Variants in IGF2BP2 observed in about 807,000 individuals in gnomAD.
The protein encoded by IGF2BP2 is insulin like growth factor 2 mRNA binding protein 2.
IGF2BP2 carries 17 observed loss-of-function variants against 75.8 expected under a neutral mutation model. That is an observed-to-expected ratio of 0.22 (90% confidence interval 0.15 to 0.34). The LOEUF (loss-of-function observed/expected upper bound fraction) is 0.34, where lower values mean the gene tolerates loss of function less well. IGF2BP2 is among the 10% of genes least tolerant of loss of function. The probability of loss-of-function intolerance (pLI) is 1.00; values close to 1 mark genes in which losing one functional copy is unlikely to be tolerated. For missense variants in IGF2BP2, 516 were observed against 772.4 expected, an observed-to-expected ratio of 0.67 and a Z score of 3.93; for synonymous variants, 288 against 295.6, an observed-to-expected ratio of 0.97 and a Z score of 0.26.
chr3:185,777,537 A>C (rs938649925), intron 2 of IGF2BP2, among the ~76,000 whole-genome samples: 4 of 152,022 alleles, frequency 2.6e-5, no homozygotes, highest in African/African-American at 9.7e-5. Context: ...TAAAAGAAAA[A>C]CCCCAAAACA....
intron 9 of IGF2BP2, among the ~76,000 whole-genome samples, chr3:185,673,309 T>C (rs923580265): frequency 6.6e-6 from 1 of 152,220 alleles, no homozygotes; most frequent in African/African-American, 2.4e-5. Flanking sequence ...ATATAGTAAG[T>C]ACTCAATAAA....
intron 2 of IGF2BP2, among the ~76,000 whole-genome samples, chr3:185,792,330 C>G (rs11925294): frequency 1.3e-5 from 2 of 151,884 alleles, no homozygotes; most frequent in African/African-American, 2.4e-5. Context: ...CAGGGCTGGG[C>G]GGGGTGGCTC....
intron 2 of IGF2BP2, among the ~76,000 whole-genome samples, chr3:185,742,885 G>A (rs1390135339): frequency 3.9e-5 from 6 of 152,072 alleles, no homozygotes. Context: ...CAGATCACGA[G>A]GTCAGGAGTT....
chr3:185,820,235 T>TACACACACACACACACACACACACACAC (rs202064714), intron 2 of IGF2BP2, among the ~76,000 whole-genome samples: 5 of 102,760 alleles, frequency 4.9e-5, no homozygotes, highest in African/African-American at 1.8e-4. Context: ...TATATACACA[T>TACACACACACACACACACACACACACAC]ACACACACAC....
At chr3:185,821,068 G>A (rs1291409344) in intron 2 of IGF2BP2, 1 of 1,535,094 alleles carries the variant, frequency 6.5e-7, no homozygotes, top group African/African-American at 1.4e-5. Context: ...ACATACAGCT[G>A]CTTCATCCCT....
intron 2 of IGF2BP2, chr3:185,722,085 C>T (rs1329977181): frequency 1.4e-5 from 5 of 351,904 alleles, no homozygotes; most frequent in East Asian, 8.4e-5. Flanking sequence ...GCACCAACCA[C>T]ATCTGATTTT....
chr3:185,824,175 G>A (rs376675587), intron 1 of IGF2BP2, among the ~76,000 whole-genome samples: 1 of 151,718 alleles, frequency 6.6e-6, no homozygotes, highest in Non-Finnish European at 1.5e-5. Context: ...GGCTGGGGCT[G>A]GGGGAGCCCC....
intron 2 of IGF2BP2, among the ~76,000 whole-genome samples, chr3:185,762,707 T>A (rs1028210869): frequency 1.3e-5 from 2 of 152,120 alleles, no homozygotes; most frequent in African/African-American, 4.8e-5. Context: ...GCAGTCTACT[T>A]CAGTTACTGC....
chr3:185,784,086 T>A (rs900877000), intron 2 of IGF2BP2, among the ~76,000 whole-genome samples: 1 of 152,162 alleles, frequency 6.6e-6, no homozygotes, highest in Non-Finnish European at 1.5e-5. Flanking sequence ...ATACAAAAAA[T>A]TAGCCAGGTG....
chr3:185,677,018 TGGAGAGAGATATATATATATATGGAG>T (rs1203421325), intron 7 of IGF2BP2, among the ~76,000 whole-genome samples: 5 of 97,172 alleles, frequency 5.1e-5, no homozygotes, highest in African/African-American at 2.1e-4. Flanking sequence ...ATTATATATA[TGGAGAGAGATATATATATATATGGAG>T]ATATATATAT....
At chr3:185,794,625 T>A (rs1357339733) in intron 2 of IGF2BP2, among the ~76,000 whole-genome samples, 2 of 146,918 alleles carry the variant, frequency 1.4e-5, no homozygotes, top group African/African-American at 5.2e-5. Flanking sequence ...TTGGCTTTAT[T>A]TGGAGGTCAC....
At chr3:185,690,950 A>C (rs1301634913) in intron 5 of IGF2BP2, among the ~76,000 whole-genome samples, 1 of 152,152 alleles carries the variant, frequency 6.6e-6, no homozygotes, top group Non-Finnish European at 1.5e-5. Flanking sequence ...CACCTTTTGA[A>C]TTTAATAAAA....
intron 13 of IGF2BP2, among the ~76,000 whole-genome samples, chr3:185,651,828 G>A (rs1320587629): frequency 6.6e-6 from 1 of 152,164 alleles, no homozygotes; most frequent in Admixed American, 6.5e-5. Context: ...AGGGCTAAGG[G>A]ATCAGAGGTG....
chr3:185,674,671 A>T (rs1464851417), intron 9 of IGF2BP2, among the ~76,000 whole-genome samples: 1 of 152,218 alleles, frequency 6.6e-6, no homozygotes, highest in African/African-American at 2.4e-5. Flanking sequence ...TAAAATTTAA[A>T]AAGTAACAGG....
intron 2 of IGF2BP2, among the ~76,000 whole-genome samples, chr3:185,797,882 T>G: frequency 8.3e-6 from 1 of 120,014 alleles, no homozygotes; most frequent in Non-Finnish European, 1.6e-5. Flanking sequence ...AGTGACAGAG[T>G]GAGACCCTGT....
chr3:185,787,822 G>A (rs767774031), intron 2 of IGF2BP2, among the ~76,000 whole-genome samples: 1 of 152,236 alleles, frequency 6.6e-6, no homozygotes, highest in East Asian at 1.9e-4. Context: ...AGCCAGGATG[G>A]ATGCTGTTTT....
At chr3:185,678,172 A>G (rs1719838992) in intron 7 of IGF2BP2, among the ~76,000 whole-genome samples, 1 of 152,238 alleles carries the variant, frequency 6.6e-6, no homozygotes, top group African/African-American at 2.4e-5. Context: ...CAAACTGTCT[A>G]AAGTCAAAGA....
chr3:185,740,649 C>G (rs1320157480), intron 2 of IGF2BP2, among the ~76,000 whole-genome samples: 2 of 152,156 alleles, frequency 1.3e-5, no homozygotes, highest in Non-Finnish European at 2.9e-5. Context: ...ATCCTTTGAG[C>G]TACTCTTATC....
chr3:185,746,410 G>A (rs1275678675), intron 2 of IGF2BP2, among the ~76,000 whole-genome samples: 3 of 152,144 alleles, frequency 2.0e-5, no homozygotes, highest in East Asian at 1.9e-4. Flanking sequence ...GGCAATTCAC[G>A]TGAGCAACTC....
Sources: allele counts gnomAD v4.1 joint callset (sites outside exome capture counted in the v4.1 genomes callset), GRCh38; gene constraint gnomAD v4.1.1; transcripts MANE v1.5; gene names NCBI Gene and HGNC (gene_info 2026-07-23, HGNC 2026-07-21).